ADGRG4: variants seen among roughly 807,000 people sequenced by gnomAD.
ADGRG4 encodes the protein adhesion G protein-coupled receptor G4.
A neutral mutation model predicts 126.2 loss-of-function variants in ADGRG4; 122 were observed. The observed-to-expected ratio is 0.97, with a 90% CI of 0.83 to 1.12. ADGRG4 has a LOEUF of 1.12. Among genes scored for constraint, ADGRG4 ranks in the 50% most tolerant of loss-of-function variants. ADGRG4 has a pLI of 0.00. For missense variants in ADGRG4, 2,481 were observed against 2,251.8 expected, an observed-to-expected ratio of 1.10 and a Z score of -2.06; for synonymous variants, 943 against 838.7, an observed-to-expected ratio of 1.12 and a Z score of -2.15.
intron 23 of ADGRG4, among the ~76,000 whole-genome samples, chrX:136,409,841 C>T (rs2075436643): frequency 1.8e-5 from 2 of 112,157 alleles, no homozygotes; most frequent in Non-Finnish European, 1.9e-5. Context: ...AAGCATTTAA[C>T]TTCTTATCAG....
intron 4 of ADGRG4, among the ~76,000 whole-genome samples, chrX:136,309,904 AT>A (rs1198423419): frequency 8.9e-6 from 1 of 111,950 alleles, no homozygotes; most frequent in Non-Finnish European, 1.9e-5. Flanking sequence ...ATATGTGCTG[AT>A]TTAATGAATT....
rs1374557479 is a variant in ADGRG4, at chrX:136,376,930, G to T, written c.7776+3866G>T. Reference sequence around the variant, plus strand: ...TTGACTTCCTGTTTCCAATTTGGATGCCCTTTATTTCTTACTCATGTCTGA... The same window carrying T: ...TTGACTTCCTGTTTCCAATTTGGATTCCCTTTATTTCTTACTCATGTCTGA... On this transcript the variant is annotated intron_variant, in intron 15 of 25. Transcript: ENST00000394143. Among the ~76,000 whole-genome samples, 4 of 109,918 alleles carry T rather than the reference G, an allele frequency of 3.6e-5. 1 individual carries two copies.
In ADGRG4 at chrX:136,346,684, G is replaced by T. The variant is rs2075019619; in HGVS notation, c.2978G>T (p.Gly993Val). Residue 993 changes from glycine to valine, a missense_variant, in exon 6 of 26, where the codon GGT becomes GTT. Physicochemically the swap from Gly to Val is moderately radical, Grantham distance 109. Transcript: ENST00000394143. ...TDRTATSLSDGILPPQPTAAH... is the reference protein window; with the variant it reads ...TDRTATSLSDVILPPQPTAAH... Reference sequence around the variant, plus strand: ...AGGACAGCTACGTCCTTGTCTGATGGTATCTTACCTCCACAGCCTACAGCT... The same window carrying T: ...AGGACAGCTACGTCCTTGTCTGATGTTATCTTACCTCCACAGCCTACAGCT... 1.7e-6 allele frequency: 2 copies of T among 1,209,007 alleles called. No homozygotes were observed. Among genetic ancestry groups the T allele is most frequent in the East Asian group, 3.0e-5 (1 of 33,723 alleles).
chrX:136,338,244 G>T (rs2074959257), intron 5 of ADGRG4, among the ~76,000 whole-genome samples: 1 of 107,346 alleles, frequency 9.3e-6, no homozygotes, highest in Admixed American at 1.0e-4. Context: ...AGCAACCTCC[G>T]TCTCCCGGGT....
At chrX:136,401,708 T>C (rs1013511607) in intron 21 of ADGRG4, among the ~76,000 whole-genome samples, 11 of 112,211 alleles carry the variant, frequency 9.8e-5, no homozygotes, top group Non-Finnish European at 9.4e-5. Context: ...ACAAAGGGAA[T>C]GGATGACCGC....
At position 136,344,604 on chromosome X, in the gene ADGRG4, C is replaced by CA. The variant is rs747213187; in HGVS notation, c.904dup (p.Ile302AsnfsTer8). 11 of 1,206,297 alleles carry CA rather than the reference C, an allele frequency of 9.1e-6. No homozygotes were observed. Among genetic ancestry groups the CA allele is most frequent in the Admixed American group, 2.2e-5 (1 of 45,541 alleles). ...TCCACCTCTGGAAACAATGACTGCACAAAAAATCTTAAAGACACTGGTAGA... is the reference window on the plus strand; with the variant it reads ...TCCACCTCTGGAAACAATGACTGCACAAAAAAATCTTAAAGACACTGGTAGA... On this transcript the variant is annotated frameshift_variant, in exon 6 of 26. Transcript: ENST00000394143. LOFTEE classifies it high-confidence loss of function.
At chrX:136,415,430 A>G (rs2075470506) in intron 25 of ADGRG4, among the ~76,000 whole-genome samples, 1 of 111,230 alleles carries the variant, frequency 9.0e-6, no homozygotes, top group African/African-American at 3.3e-5. Context: ...AGGGGACTAG[A>G]ATGGATAATC....
intron 5 of ADGRG4, among the ~76,000 whole-genome samples, chrX:136,331,213 A>G (rs1375114228): frequency 8.9e-6 from 1 of 112,286 alleles, no homozygotes; most frequent in Non-Finnish European, 1.9e-5. Flanking sequence ...TCCGTTGTGT[A>G]TATGTACCAC....
At chrX:136,397,194 A>G (rs1252949319) in intron 19 of ADGRG4, among the ~76,000 whole-genome samples, 1 of 111,237 alleles carries the variant, frequency 9.0e-6, no homozygotes. Flanking sequence ...CCCAGTTGTG[A>G]CAACCAAAAA....
intron 5 of ADGRG4, among the ~76,000 whole-genome samples, chrX:136,341,411 A>C (rs763235472): frequency 5.6e-4 from 63 of 112,544 alleles, no homozygotes; most frequent in African/African-American, 1.8e-3. Flanking sequence ...GAGTGATTTC[A>C]GGCTCTAGGA....
At chrX:136,415,053 C>T (rs1310478988) in intron 25 of ADGRG4, among the ~76,000 whole-genome samples, 3 of 112,288 alleles carry the variant, frequency 2.7e-5, no homozygotes, top group Non-Finnish European at 5.6e-5. Context: ...CAGGATGATA[C>T]TGTGATGAGT....
chrX:136,347,251 C>G lies in ADGRG4; in HGVS notation c.3545C>G (p.Thr1182Ser), dbSNP rs371713871. The G allele has an allele frequency of 1.2e-5, 14 of 1,209,443 alleles. No homozygotes were observed. The African/African-American group carries it at 2.4e-4, about 21-fold the overall frequency. Residue 1182 changes from threonine (T) to serine (S), a missense_variant, in exon 6 of 26, where the codon ACC (threonine) becomes AGC (serine). By Grantham distance (58) the Thr-to-Ser change is moderately conservative. Coordinates refer to ENST00000394143, the MANE Select transcript of ADGRG4 (RefSeq NM_153834.4). Reference protein sequence around the residue: ...QPISQVEETSTYALSFPYTFS... With the variant: ...QPISQVEETSSYALSFPYTFS... ...ATATCTCAAGTAGAGGAGACTTCTA[C>G]CTATGCTCTCAGCTTCCCATATACT...
chrX:136,405,639 A>T, intron 22 of ADGRG4, 53 bp from the exon 23 acceptor site: 1 of 963,198 alleles, frequency 1.0e-6, no homozygotes, highest in South Asian at 2.8e-5. Context: ...AGTCTCTGAG[A>T]AATAGGACTT....
At chrX:136,383,814 C>CTTTA in intron 15 of ADGRG4, among the ~76,000 whole-genome samples, 1 of 20,509 alleles carries the variant, frequency 4.9e-5, no homozygotes, top group Non-Finnish European at 8.9e-5. Flanking sequence ...ATATATTTGC[C>CTTTA]TTTCTTTCTT....
chrX:136,326,841 T>A (rs1025066671), intron 5 of ADGRG4, among the ~76,000 whole-genome samples: 17 of 111,057 alleles, frequency 1.5e-4, no homozygotes, highest in Non-Finnish European at 2.6e-4. Flanking sequence ...TTTTAATGAG[T>A]ACATTGCTAG....
intron 25 of ADGRG4, among the ~76,000 whole-genome samples, chrX:136,415,564 G>A (rs919595953): frequency 7.2e-5 from 8 of 111,116 alleles, no homozygotes; most frequent in Non-Finnish European, 1.5e-4. Context: ...TGATGCACAT[G>A]AGAAAAACCT....
At chrX:136,336,670 A>G (rs2074950045) in intron 5 of ADGRG4, among the ~76,000 whole-genome samples, 1 of 111,285 alleles carries the variant, frequency 9.0e-6, no homozygotes, top group Non-Finnish European at 1.9e-5. Flanking sequence ...ACTTTCCTTA[A>G]ACTTACTGCT....
chrX:136,322,728 T>C, intron 4 of ADGRG4, 50 bp from the exon 5 acceptor site: 1 of 1,104,371 alleles, frequency 9.1e-7, no homozygotes, highest in Non-Finnish European at 1.2e-6. Context: ...AAACAATTTT[T>C]AACAGAAATT....
At chrX:136,382,191 A>G (rs1242536537) in intron 15 of ADGRG4, among the ~76,000 whole-genome samples, 3 of 111,778 alleles carry the variant, frequency 2.7e-5, no homozygotes, top group African/African-American at 9.8e-5. Flanking sequence ...TAAGGTCATA[A>G]TTATGCCTAA....
Sources: allele counts gnomAD v4.1 joint callset (sites outside exome capture counted in the v4.1 genomes callset), GRCh38; gene constraint gnomAD v4.1.1; transcripts MANE v1.5; gene names NCBI Gene and HGNC (gene_info 2026-07-23, HGNC 2026-07-21).